The following TLE6 variants were observed in gnomAD, a reference collection of about 807,000 sequenced individuals.
The protein encoded by TLE6 is transducin-like enhancer protein 6.
Under a neutral mutation model 77.1 loss-of-function variants are expected in TLE6, and 72 were observed. The observed-to-expected ratio is 0.93, with a 90% CI of 0.77 to 1.14. The LOEUF is 1.14. Ranked by LOEUF, TLE6 falls within the 50% of genes most tolerant of loss-of-function variation. The pLI, the probability that TLE6 is intolerant of heterozygous loss-of-function variation, is 0.00. For missense variants in TLE6, 843 were observed against 747.6 expected (o/e 1.13, Z -1.49); for synonymous variants, 366 against 287.3 (o/e 1.27, Z -2.77).
chr19:2,981,347 C>CAA (rs34622024), intron 3 of TLE6, among the ~76,000 whole-genome samples, 191 bp from the exon 4 acceptor site: 6,306 of 115,106 alleles, frequency 0.055, 140 homozygotes, highest in Non-Finnish European at 0.063. Context: ...GACTCTGTCT[C>CAA]AAAAAAAAAA....
rs2089128514 is a variant in TLE6, at chr19:2,993,377, C to A, written c.1387-55C>A. Reference sequence around the variant, plus strand: ...AGGTCCCCAGGCTCCTGCCTGCTTCCTGGGCCAGGCTGGGACCTAACCAGG... The same window carrying A: ...AGGTCCCCAGGCTCCTGCCTGCTTCATGGGCCAGGCTGGGACCTAACCAGG... On this transcript the variant is annotated intron_variant, in intron 14 of 16. Transcript: ENST00000246112. The A allele has an allele frequency of 5.2e-6, 8 of 1,539,224 alleles. No homozygotes were observed. In the East Asian group the frequency reaches 1.9e-4, roughly 37 times the overall value.
chr19:2,993,991 A>C, intron 15 of TLE6, 28 bp from the exon 16 acceptor site: 1 of 1,578,136 alleles, frequency 6.3e-7, no homozygotes, highest in Non-Finnish European at 8.6e-7. Flanking sequence ...AGTGGTTCTA[A>C]GTCTCGCTGA....
At position 2,989,264 on chromosome 19, in the gene TLE6, C is replaced by G. The variant is rs1232582306; in HGVS notation, c.944C>G (p.Thr315Ser). The stretch of plus-strand genomic sequence containing the variant: ...AGAGGCATCAAGGTGTGGAGCCTGA[C>G]TGGACAGGTGGCTGAGGACAGGTTC... ...GRRGIKVWSL[T>S]GQVAEDRFPE... The change falls in exon 12 of 17, where the codon ACT (threonine) becomes AGT (serine). Residue 315 changes from threonine (T) to serine (S), a missense_variant. Transcript: ENST00000246112. The G allele has an allele frequency of 6.2e-7, 1 of 1,613,658 alleles. No individual in the cohort carries two copies.
chr19:2,980,605 G>A (rs894311339), intron 3 of TLE6, among the ~76,000 whole-genome samples: 2 of 151,652 alleles, frequency 1.3e-5, no homozygotes, highest in African/African-American at 4.9e-5. Context: ...GCTTGGTGGT[G>A]GGTGCCTGTA....
chr19:2,991,395 TACACACACACACACACAC>T (rs373594184), intron 13 of TLE6, among the ~76,000 whole-genome samples: 1 of 114,150 alleles, frequency 8.8e-6, no homozygotes, highest in African/African-American at 3.8e-5. Flanking sequence ...TATATATATA[TACACACACACACACACAC>T]ACACACACAC....
At chr19:2,981,606 C>T (rs1322852739) in intron 4 of TLE6, 23 bp downstream of exon 4, 1 of 1,551,428 alleles carries the variant, frequency 6.4e-7, no homozygotes, top group Non-Finnish European at 8.7e-7. Flanking sequence ...CAGGCAGCCC[C>T]AACCAAGGAG....
In TLE6 at chr19:2,987,180, G is replaced by A. The variant is rs138978780; in HGVS notation, c.483G>A (p.Glu161=). 1.9e-6 allele frequency: 3 copies of A among 1,613,960 alleles called. No individual in the cohort carries two copies. The highest frequency in any genetic ancestry group is 2.5e-6 in the Non-Finnish European group (3 of 1,180,038). ...GGTTTTGGCACGACACTCTGACCGA[G>A]CAACTCTGGCGGATTTTTGCCGGCG... ...EPWFWHDTLT[E]QLWRIFAGVH... Residue 161 remains glutamate (E), a synonymous_variant, in exon 7 of 17, where the codon GAG becomes GAA. Transcript: ENST00000246112.
intron 5 of TLE6, among the ~76,000 whole-genome samples, chr19:2,985,818 G>A (rs1039522574): frequency 2.7e-5 from 4 of 150,676 alleles, no homozygotes; most frequent in African/African-American, 9.7e-5. Flanking sequence ...GCTCACACCT[G>A]TAATCCCAGC....
At position 2,989,165 on chromosome 19, in the gene TLE6, T is replaced by C. The variant is rs763137764; in HGVS notation, c.845T>C (p.Ile282Thr). Reference protein sequence around the residue: ...AVPCKLEKMRILAHGELVLAT... With the variant: ...AVPCKLEKMRTLAHGELVLAT... ...CCGTGCAAACTGGAAAAGATGCGGA[T>C]CTTGGCACACGGGGAGCTCGTGCTC... The change falls in exon 12 of 17, where the codon ATC (isoleucine) becomes ACC (threonine). Residue 282 changes from isoleucine (I) to threonine (T), a missense_variant. Ile to Thr is a moderately conservative substitution (Grantham distance 89). Transcript: ENST00000246112. The C allele has an allele frequency of 6.2e-7, 1 of 1,614,122 alleles. No individual in the cohort carries two copies. Among genetic ancestry groups the C allele is most frequent in the South Asian group, 1.1e-5 (1 of 91,086 alleles).
chr19:2,987,014 C>G lies in TLE6; in HGVS notation c.317C>G (p.Thr106Arg). Residue 106 changes from threonine (T) to arginine (R), a missense_variant, in exon 7 of 17, where the codon ACG (threonine) becomes AGG (arginine). Thr to Arg is a moderately conservative substitution (Grantham distance 71). Transcript: ENST00000246112. ...VSPAEPASPG[T>R]PQQVKDKTLQ... ...CCTGCTGAACCAGCCAGCCCTGGGA[C>G]GCCCCAGCAGGTGAAGGACAAGACC... is the stretch of plus-strand genomic sequence containing the variant. 2.5e-6 allele frequency: 4 copies of G among 1,613,218 alleles called. No homozygotes were observed. Among genetic ancestry groups the G allele is most frequent in the Non-Finnish European group, 2.5e-6 (3 of 1,179,358 alleles).
At chr19:2,978,992 C>T (rs544176278) in intron 2 of TLE6, among the ~76,000 whole-genome samples, 1 of 152,132 alleles carries the variant, frequency 6.6e-6, no homozygotes, top group African/African-American at 2.4e-5. Flanking sequence ...CTCACACTCA[C>T]CTCGGCTGGA....
rs1174033321 is a variant in TLE6, at chr19:2,987,804, G to T, written c.625+14G>T. 3 of 1,614,006 alleles carry T rather than the reference G, an allele frequency of 1.9e-6. No individual in the cohort carries two copies. The highest frequency in any genetic ancestry group is 2.7e-5 in the African/African-American group (2 of 74,928). On this transcript the variant is annotated intron_variant, in intron 9 of 16. Transcript: ENST00000246112. ...AAGATGCCTCCAGTAATCCCAGCGG[G>T]CAGGGGCCGACCGACTCCAGGCGGG... is the stretch of plus-strand genomic sequence containing the variant.
rs780457906 is a variant in TLE6 at position 2,989,781 on chromosome 19, G to A, written c.1240G>A (p.Val414Ile). 3.7e-6 allele frequency: 6 copies of A among 1,612,662 alleles called. No individual in the cohort carries two copies. Among genetic ancestry groups the A allele is most frequent in the Middle Eastern group, 3.3e-4 (2 of 6,050 alleles). Residue 414 changes from valine to isoleucine, a missense_variant, in exon 13 of 17, where the codon GTC (valine) becomes ATC (isoleucine). Coordinates refer to ENST00000246112, the MANE Select transcript of TLE6 (RefSeq NM_001143986.2). ...CTGGGACCTGCGGGATCAGAGTGTG[G>A]TCAGGTGCGTTTGGGGGGTGGGAAG... Reference protein sequence around the residue: ...RIWDLRDQSVVRDLKGYPDGV... With the variant: ...RIWDLRDQSVIRDLKGYPDGV...
intron 13 of TLE6, among the ~76,000 whole-genome samples, chr19:2,991,007 TACA>T (rs1160813351): frequency 2.4e-5 from 2 of 82,672 alleles, no homozygotes; most frequent in African/African-American, 1.2e-4. Flanking sequence ...AAAAAAATTT[TACA>T]TACATACATA....
At chr19:2,991,634 C>T (rs1196442721) in intron 13 of TLE6, among the ~76,000 whole-genome samples, 5 of 149,880 alleles carry the variant, frequency 3.3e-5, no homozygotes, top group Non-Finnish European at 7.4e-5. Flanking sequence ...AAGGGGAGGC[C>T]CAGGCGGACG....
intron 5 of TLE6, among the ~76,000 whole-genome samples, chr19:2,984,792 C>T (rs1599156496): frequency 6.6e-6 from 1 of 152,012 alleles, no homozygotes; most frequent in Non-Finnish European, 1.5e-5. Context: ...TTGAACATGG[C>T]TACTAGACAT....
intron 11 of TLE6, among the ~76,000 whole-genome samples, chr19:2,988,661 G>A (rs1021699185): frequency 2.6e-5 from 4 of 152,148 alleles, no homozygotes; most frequent in Non-Finnish European, 5.9e-5. Flanking sequence ...GGCATTTGGG[G>A]AAGACTTTTT....
In TLE6 at chr19:2,987,143, A is replaced by G; in HGVS notation, c.446A>G (p.Asp149Gly). Reference sequence around the variant, plus strand: ...CAGCCGGAGACCCAGCTGTTCTGGGACAAGGAGCCTTGGTTTTGGCACGAC... The same window carrying G: ...CAGCCGGAGACCCAGCTGTTCTGGGGCAAGGAGCCTTGGTTTTGGCACGAC... ...DNQPETQLFW[D>G]KEPWFWHDTL... Residue 149 changes from aspartate (D) to glycine (G), a missense_variant, in exon 7 of 17, where the codon GAC (aspartate) becomes GGC (glycine). Asp to Gly is a moderately conservative substitution (Grantham distance 94). Transcript: ENST00000246112. 1 of 1,614,012 alleles carries G rather than the reference A, an allele frequency of 6.2e-7. No individual in the cohort carries two copies. The highest frequency in any genetic ancestry group is 8.5e-7 in the Non-Finnish European group (1 of 1,180,018).
chr19:2,991,069 A>G (rs1049416384), intron 13 of TLE6, among the ~76,000 whole-genome samples: 5 of 148,942 alleles, frequency 3.4e-5, no homozygotes, highest in Middle Eastern at 3.4e-3. Context: ...CACATATTAA[A>G]TATATGTAAA....
Sources: gnomAD v4.1 joint callset for allele counts (sites outside exome capture counted in the v4.1 genomes callset) on GRCh38, gnomAD v4.1.1 for gene constraint, MANE v1.5 for transcripts, NCBI Gene and HGNC (gene_info 2026-07-23, HGNC 2026-07-21) for gene names.